The following MTUS1 variants were observed in gnomAD, a reference collection of about 807,000 sequenced individuals.
The protein encoded by MTUS1 is microtubule-associated tumor suppressor 1.
In MTUS1, 109 loss-of-function variants were observed where a neutral mutation model predicts 120.8. That is an observed-to-expected ratio of 0.90 (90% confidence interval 0.77 to 1.06). MTUS1 has a LOEUF of 1.06. Ranked by LOEUF, MTUS1 falls within the 50% of genes least tolerant of loss-of-function variation. The probability of loss-of-function intolerance (pLI) is 0.00; values close to 1 mark genes in which losing one functional copy is unlikely to be tolerated. For synonymous variants in MTUS1, 737 were observed against 550.5 expected, an observed-to-expected ratio of 1.34 and a Z score of -4.74; for missense variants, 2,210 against 1,486.3, an observed-to-expected ratio of 1.49 and a Z score of -8.01.
At chr8:17,694,387 C>T (rs1172073020) in intron 6 of MTUS1, among the ~76,000 whole-genome samples, 1 of 152,154 alleles carries the variant, frequency 6.6e-6, no homozygotes, top group Non-Finnish European at 1.5e-5. Flanking sequence ...GAGGTTTGGC[C>T]AGACGTGGTA....
At chr8:17,708,348 G>A (rs1820570510) in intron 6 of MTUS1, among the ~76,000 whole-genome samples, 1 of 152,198 alleles carries the variant, frequency 6.6e-6, no homozygotes, top group Non-Finnish European at 1.5e-5. Flanking sequence ...CACACGAAAT[G>A]ACACTCAATG....
At chr8:17,663,071 C>T (rs987372712) in intron 8 of MTUS1, among the ~76,000 whole-genome samples, 15 of 139,482 alleles carry the variant, frequency 1.1e-4, no homozygotes, top group Non-Finnish European at 6.4e-5. Flanking sequence ...AAAAAAAAAT[C>T]GTAATCAGTG....
At chr8:17,744,811 G>A (rs779827466) in intron 2 of MTUS1, among the ~76,000 whole-genome samples, 4 of 151,500 alleles carry the variant, frequency 2.6e-5, no homozygotes, top group Admixed American at 2.6e-4. Flanking sequence ...CCAAAGGGCT[G>A]GGATTACAGG....
chr8:17,711,154 T>G (rs967707119), intron 6 of MTUS1, among the ~76,000 whole-genome samples: 3 of 152,220 alleles, frequency 2.0e-5, no homozygotes, highest in African/African-American at 7.2e-5. Flanking sequence ...AACGTCAGCT[T>G]CAACTTAAAA....
chr8:17,734,307 C>T (rs781196263), intron 3 of MTUS1: 8 of 152,220 alleles, frequency 5.3e-5, no homozygotes, highest in Admixed American at 1.3e-4. Context: ...ACTATTCCAC[C>T]TTCTTGAGTT....
chr8:17,660,977 TAA>T (rs1461835287), intron 8 of MTUS1, among the ~76,000 whole-genome samples: 7 of 152,216 alleles, frequency 4.6e-5, no homozygotes, highest in Admixed American at 3.3e-4. Context: ...GACTGAATAT[TAA>T]AAGTTTCTTT....
chr8:17,751,339 G>A lies in MTUS1; in HGVS notation c.2091+2378C>T, dbSNP rs141057687. The stretch of plus-strand genomic sequence containing the variant: ...AACATCCCTCCAGCATGGTCTCTTC[G>A]TCAATCCAGGGCAGTAAGAGCCTTT... On this transcript the variant is annotated intron_variant, in intron 2 of 14. Coordinates refer to ENST00000693296, the MANE Select transcript of MTUS1 (RefSeq NM_001363059.2). Among the ~76,000 whole-genome samples, 5 of 152,194 alleles carry A rather than the reference G, an allele frequency of 3.3e-5. No individual in the cohort carries two copies. The East Asian group carries it at 5.8e-4, about 18-fold the overall frequency.
At chr8:17,773,059 C>T (rs895243717) in intron 1 of MTUS1, among the ~76,000 whole-genome samples, 1 of 152,090 alleles carries the variant, frequency 6.6e-6, no homozygotes, top group African/African-American at 2.4e-5. Context: ...CCACTTTCAC[C>T]TAGTTGGGAT....
Position 17,755,437 on chromosome 8 carries a change from A to G in MTUS1, c.371T>C (p.Leu124Pro). 4 of 1,614,220 alleles carry G rather than the reference A, an allele frequency of 2.5e-6. No homozygotes were observed. The highest frequency in any genetic ancestry group is 3.4e-6 in the Non-Finnish European group (4 of 1,180,034). The change falls in exon 2 of 15, where the codon CTA (leucine) becomes CCA (proline). Residue 124 changes from leucine to proline, a missense_variant. Transcript: ENST00000693296. The part of the protein sequence containing the change: ...PKYLQHSCHS[L>P]EAVEGQSVEP... ...AACACTCTGGCCCTCAACTGCTTCT[A>G]GGGAATGACAACTGTGTTGCAGATA...
chr8:17,688,842 T>A (rs1167767702), intron 6 of MTUS1, among the ~76,000 whole-genome samples: 1 of 152,226 alleles, frequency 6.6e-6, no homozygotes, highest in Non-Finnish European at 1.5e-5. Context: ...TATTTTTCTA[T>A]TTCTAGGTAG....
intron 8 of MTUS1, among the ~76,000 whole-genome samples, chr8:17,660,400 G>T (rs1007600197): frequency 6.6e-6 from 1 of 152,114 alleles, no homozygotes; most frequent in Admixed American, 6.6e-5. Context: ...ATATTCCATT[G>T]CACGTACAGA....
intron 3 of MTUS1, among the ~76,000 whole-genome samples, chr8:17,742,311 T>TTTTTTTTTTTTTTA (rs1554516969): frequency 2.1e-5 from 3 of 139,624 alleles, no homozygotes; most frequent in Non-Finnish European, 3.1e-5. Flanking sequence ...TTTTTTTTTT[T>TTTTTTTTTTTTTTA]AGAGATAGTG....
intron 1 of MTUS1, among the ~76,000 whole-genome samples, chr8:17,794,515 C>A (rs1240479851): frequency 6.6e-6 from 1 of 152,100 alleles, no homozygotes; most frequent in East Asian, 1.9e-4. Context: ...TTCTTGGTAG[C>A]TAGGTCTTGG....
At chr8:17,647,859 G>A (rs904604926) in intron 13 of MTUS1, among the ~76,000 whole-genome samples, 5 of 152,270 alleles carry the variant, frequency 3.3e-5, no homozygotes, top group East Asian at 1.9e-4. Context: ...TTATAGCTCC[G>A]TCAGGATTAA....
At chr8:17,785,426 G>C (rs186881665) in intron 1 of MTUS1, among the ~76,000 whole-genome samples, 1 of 152,258 alleles carries the variant, frequency 6.6e-6, no homozygotes, top group Admixed American at 6.5e-5. Flanking sequence ...AGATTTTATG[G>C]ACCTGTGACA....
Position 17,754,136 on chromosome 8 carries a change from T to C in MTUS1, c.1672A>G (p.Arg558Gly), listed in dbSNP as rs938441991. The C allele has an allele frequency of 1.9e-6, 3 of 1,613,920 alleles. No individual in the cohort carries two copies. The highest frequency in any genetic ancestry group is 2.2e-5 in the East Asian group (1 of 44,882). ...TTTTTGTCTGCATTCAAGTCAGATC[T>C]CGGTGTTCTGCTCAAGACTGTTTGT... The part of the protein sequence containing the change: ...RQQTVLSRTP[R>G]SDLNADKKAE... Residue 558 changes from arginine (R) to glycine (G), a missense_variant, in exon 2 of 15, where the codon AGA becomes GGA. Transcript: ENST00000693296.
rs914212463 is a variant in MTUS1, at chr8:17,749,435, G to A, written c.2091+4282C>T. Among the ~76,000 whole-genome samples, 3 of 152,134 alleles carry A rather than the reference G, an allele frequency of 2.0e-5. No individual in the cohort carries two copies. The South Asian group carries it at 6.2e-4, about 32-fold the overall frequency. ...GCACTTTGAGAAGCCGAGGTGGGCA[G>A]ATCACATGAGGCCAGGAGTTCGAGA... is the stretch of plus-strand genomic sequence containing the variant. On this transcript the variant is annotated intron_variant, in intron 2 of 14. Transcript: ENST00000693296.
chr8:17,761,307 T>C (rs2049020711), intron 1 of MTUS1, among the ~76,000 whole-genome samples: 1 of 152,214 alleles, frequency 6.6e-6, no homozygotes, highest in African/African-American at 2.4e-5. Context: ...TATTTCTTCA[T>C]GTGAAGAGAC....
intron 6 of MTUS1, among the ~76,000 whole-genome samples, chr8:17,693,513 C>G (rs539648906): frequency 6.6e-6 from 1 of 152,274 alleles, no homozygotes; most frequent in African/African-American, 2.4e-5. Flanking sequence ...ATGACCAGCC[C>G]CCGTCCCACC....
Sources: allele counts gnomAD v4.1 joint callset (sites outside exome capture counted in the v4.1 genomes callset), GRCh38; gene constraint gnomAD v4.1.1; transcripts MANE v1.5; gene names NCBI Gene and HGNC (gene_info 2026-07-23, HGNC 2026-07-21).